NPAS3: variants seen among roughly 807,000 people sequenced by gnomAD.
NPAS3 encodes the protein neuronal PAS domain protein 3.
A neutral mutation model predicts 73.1 loss-of-function variants in NPAS3; 14 were observed. The observed-to-expected ratio is 0.19, with a 90% CI of 0.13 to 0.30. The LOEUF (loss-of-function observed/expected upper bound fraction) is 0.30, where lower values mean the gene tolerates loss of function less well. Ranked by LOEUF, NPAS3 falls within the 10% of genes least tolerant of loss-of-function variation. NPAS3 has a pLI of 1.00. For missense variants in NPAS3, 1,096 were observed against 1,250.0 expected (o/e 0.88, Z 1.86); for synonymous variants, 620 against 541.5 (o/e 1.14, Z -2.01).
At chr14:33,034,445 A>G (rs902204371) in intron 1 of NPAS3, among the ~76,000 whole-genome samples, 1 of 151,668 alleles carries the variant, frequency 6.6e-6, no homozygotes, top group African/African-American at 2.4e-5. Flanking sequence ...TCTGAGTTAT[A>G]TAAGGAAATA....
At chr14:33,566,962 A>G (rs931769848) in intron 5 of NPAS3, among the ~76,000 whole-genome samples, 3 of 152,248 alleles carry the variant, frequency 2.0e-5, no homozygotes, top group African/African-American at 7.2e-5. Context: ...TAGAATCCAC[A>G]GGGCTTCTTC....
intron 3 of NPAS3, among the ~76,000 whole-genome samples, chr14:33,326,304 G>A (rs1001029427): frequency 6.6e-6 from 1 of 152,178 alleles, no homozygotes; most frequent in African/African-American, 2.4e-5. Context: ...CTTCAGAAGG[G>A]AGTTGAAGTC....
At chr14:33,204,951 G>A (rs2046768586) in intron 2 of NPAS3, among the ~76,000 whole-genome samples, 1 of 152,036 alleles carries the variant, frequency 6.6e-6, no homozygotes, top group South Asian at 2.1e-4. Context: ...ATGCCTTTAA[G>A]CATCAAGGCA....
chr14:33,051,414 CAT>C (rs1456116372), intron 1 of NPAS3, among the ~76,000 whole-genome samples: 3 of 152,042 alleles, frequency 2.0e-5, no homozygotes, highest in African/African-American at 7.3e-5. Context: ...TCTGGTGTAA[CAT>C]AGTAGTATAC....
intron 4 of NPAS3, among the ~76,000 whole-genome samples, chr14:33,430,198 A>G (rs1184866378): frequency 6.6e-6 from 1 of 152,164 alleles, no homozygotes; most frequent in African/African-American, 2.4e-5. Flanking sequence ...CCAGTGGTAT[A>G]GGACAAAGAG....
At chr14:33,803,589 A>C (rs1478600691), downstream of NPAS3, 4 of 152,134 alleles carry the variant, frequency 2.6e-5, no homozygotes, top group Non-Finnish European at 4.4e-5. Flanking sequence ...AAGAACAGCT[A>C]GACAGCTGTT....
intron 1 of NPAS3, among the ~76,000 whole-genome samples, chr14:32,940,936 A>G (rs2035965964): frequency 6.6e-6 from 1 of 152,188 alleles, no homozygotes; most frequent in Non-Finnish European, 1.5e-5. Flanking sequence ...ATCATACATA[A>G]TCCAGTTTTT....
rs544125498 is a variant in NPAS3 at position 33,378,037 on chromosome 14, C to T, written c.468+10769C>T. Among the ~76,000 whole-genome samples, 14 of 152,256 alleles carry T rather than the reference C, an allele frequency of 9.2e-5. 1 individual carries two copies. The South Asian group carries it at 2.9e-3, about 32-fold the overall frequency. On this transcript the variant is annotated intron_variant, in intron 4 of 11. Coordinates refer to ENST00000356141, the Ensembl canonical transcript of NPAS3. The stretch of plus-strand genomic sequence containing the variant: ...ACATAGGCTAGTGGCTTTTGGATCA[C>T]TTATTCCTGGATTTGAATATCTGCA...
intron 4 of NPAS3, among the ~76,000 whole-genome samples, chr14:33,541,134 CACACACACATTAGTAATAGGA>C (rs1354899005): frequency 2.1e-5 from 3 of 143,766 alleles, no homozygotes; most frequent in African/African-American, 5.2e-5. Flanking sequence ...TGTGCATGCA[CACACACACATTAGTAATAGGA>C]ACACACAACC....
chr14:33,235,805 CTTTTTT>C lies in NPAS3; in HGVS notation c.385+20398_385+20403del, dbSNP rs35968798. The stretch of plus-strand genomic sequence containing the variant: ...GACTAAAAGTTCTGTTGATACAATT[CTTTTTT>C]TTTTTTTTTTTTTTTTTTGAGACAG... On this transcript the variant is annotated intron_variant, in intron 3 of 11. Transcript: ENST00000356141. 3.7e-4 allele frequency among the ~76,000 whole-genome samples: 30 copies of C among 80,630 alleles called. No individual in the cohort carries two copies. In the South Asian group the frequency reaches 9.5e-3, roughly 26 times the overall value. The allele number at this position is 80,630 out of a possible 152,430, so 52.9% of individuals were successfully genotyped here.
At chr14:33,733,588 G>C (rs1459555628) in intron 6 of NPAS3, among the ~76,000 whole-genome samples, 1 of 152,164 alleles carries the variant, frequency 6.6e-6, no homozygotes, top group Non-Finnish European at 1.5e-5. Context: ...GCAGAAGTTT[G>C]TGCTTATATA....
At chr14:33,397,222 A>T (rs147752954) in intron 4 of NPAS3, among the ~76,000 whole-genome samples, 27 of 152,210 alleles carry the variant, frequency 1.8e-4, no homozygotes, top group African/African-American at 6.5e-4. Context: ...CTCCTGGAAG[A>T]GAGGCTTATA....
intron 4 of NPAS3, among the ~76,000 whole-genome samples, chr14:33,404,105 C>G (rs1331696980): frequency 6.6e-6 from 1 of 152,074 alleles, no homozygotes; most frequent in East Asian, 1.9e-4. Flanking sequence ...TTTTTTGTCT[C>G]TAACTGAGAA....
chr14:33,082,393 C>T (rs2041887844), intron 2 of NPAS3, among the ~76,000 whole-genome samples: 1 of 152,142 alleles, frequency 6.6e-6, no homozygotes, highest in Non-Finnish European at 1.5e-5. Flanking sequence ...TTTCTGAAGA[C>T]GTTTTGCAAA....
In NPAS3 at chr14:33,215,136, A is replaced by T. The variant is rs1364784093; in HGVS notation, c.141-46A>T. The T allele has an allele frequency of 1.9e-6, 3 of 1,582,668 alleles. No homozygotes were observed. The South Asian group carries it at 3.4e-5, about 18-fold the overall frequency. ...AAGAAAGCAGTATTTGAATGATGACAGAGTCACATATTCTAAACCACACAT... is the reference window on the plus strand; with the variant it reads ...AAGAAAGCAGTATTTGAATGATGACTGAGTCACATATTCTAAACCACACAT... On this transcript the variant is annotated intron_variant, in intron 2 of 11. Coordinates refer to ENST00000356141, the Ensembl canonical transcript of NPAS3.
intron 8 of NPAS3, among the ~76,000 whole-genome samples, chr14:33,776,235 G>C (rs905538929): frequency 2.0e-5 from 3 of 152,044 alleles, no homozygotes; most frequent in African/African-American, 7.2e-5. Flanking sequence ...TCCAACCAGG[G>C]AAGACAGACA....
At chr14:33,655,060 G>A (rs768175283) in intron 5 of NPAS3, among the ~76,000 whole-genome samples, 15 of 152,158 alleles carry the variant, frequency 9.9e-5, no homozygotes, top group South Asian at 2.1e-4. Flanking sequence ...TCCACTGTAC[G>A]GATGAGGAAG....
intron 5 of NPAS3, among the ~76,000 whole-genome samples, chr14:33,624,220 G>A (rs758419733): frequency 2.6e-5 from 4 of 152,064 alleles, no homozygotes; most frequent in Non-Finnish European, 4.4e-5. Flanking sequence ...TTTGTTCCCC[G>A]AGATATCCCA....
At chr14:32,944,536 G>A (rs1222732433) in intron 1 of NPAS3, among the ~76,000 whole-genome samples, 1 of 152,156 alleles carries the variant, frequency 6.6e-6, no homozygotes, top group Non-Finnish European at 1.5e-5. Context: ...GGTGATGTTA[G>A]TATTTTCCCA....
Sources: gnomAD v4.1 joint callset for allele counts (sites outside exome capture counted in the v4.1 genomes callset) on GRCh38, gnomAD v4.1.1 for gene constraint, MANE v1.5 for transcripts, NCBI Gene and HGNC (gene_info 2026-07-23, HGNC 2026-07-21) for gene names.